The following LMX1B variants were observed in gnomAD, a reference collection of about 807,000 sequenced individuals.
LMX1B encodes LIM homeobox transcription factor 1 beta, also known as LIM homeobox transcription factor 1-beta.
In LMX1B, 12 loss-of-function variants were observed where a neutral mutation model predicts 51.4. The observed-to-expected ratio is 0.23, with a 90% confidence interval of 0.15 to 0.38. The LOEUF (loss-of-function observed/expected upper bound fraction) is 0.38. LMX1B is among the 10% of genes least tolerant of loss of function. LMX1B has a pLI of 1.00. For missense variants in LMX1B, 445 were observed against 571.1 expected (o/e 0.78, Z 2.25); for synonymous variants, 237 against 235.4 (o/e 1.01, Z -0.06).
intron 2 of LMX1B, among the ~76,000 whole-genome samples, chr9:126,682,074 C>A (rs1365629544): frequency 7.9e-6 from 1 of 127,342 alleles, no homozygotes; most frequent in African/African-American, 3.5e-5. Flanking sequence ...GATACTTGGT[C>A]CCCAGGGTCT....
chr9:126,644,768 G>A (rs951988873), intron 2 of LMX1B, among the ~76,000 whole-genome samples: 4 of 152,206 alleles, frequency 2.6e-5, no homozygotes, highest in African/African-American at 7.2e-5. Context: ...CACCTTCGCA[G>A]GGTATGTAGT....
intron 2 of LMX1B, among the ~76,000 whole-genome samples, chr9:126,662,714 G>A (rs113796318): frequency 2.0e-5 from 3 of 152,374 alleles, no homozygotes; most frequent in African/African-American, 7.2e-5. Flanking sequence ...GGGCACAGAG[G>A]GCCCATTGTT....
At chr9:126,687,970 T>C (rs2029971430) in intron 2 of LMX1B, among the ~76,000 whole-genome samples, 1 of 152,146 alleles carries the variant, frequency 6.6e-6, no homozygotes, top group African/African-American at 2.4e-5. Flanking sequence ...CCCAGCACAG[T>C]AGACAAAGGC....
intron 2 of LMX1B, among the ~76,000 whole-genome samples, chr9:126,638,599 T>C (rs914213366): frequency 6.6e-6 from 1 of 152,314 alleles, no homozygotes; most frequent in Non-Finnish European, 1.5e-5. Context: ...TGGCAGTTTT[T>C]AATCATTTTA....
intron 2 of LMX1B, among the ~76,000 whole-genome samples, chr9:126,687,745 C>T (rs78485882): frequency 3.3e-5 from 5 of 152,208 alleles, no homozygotes; most frequent in East Asian, 3.9e-4. Context: ...ATTACTTGCC[C>T]GGTCACCAGC....
chr9:126,651,275 G>A (rs968379126), intron 2 of LMX1B, among the ~76,000 whole-genome samples: 1 of 151,248 alleles, frequency 6.6e-6, no homozygotes, highest in Middle Eastern at 3.4e-3. Context: ...GCTGAGTGGG[G>A]GAGGCACCTG....
rs144043214 is a variant in LMX1B, at chr9:126,690,845, G to A, written c.336G>A (p.Ala112=). ...CTTTGTGCATCCGCAGGCTCTTCGC[G>A]GCCAAGTGCAGCGGCTGCATGGAGA... ...YCKQDYQQLF[A]AKCSGCMEKI... Residue 112 remains alanine (A), a synonymous_variant, in exon 3 of 8, where the codon GCG becomes GCA. Coordinates refer to ENST00000373474, the MANE Select transcript of LMX1B (RefSeq NM_001174147.2). 11 of 1,610,196 alleles carry A rather than the reference G, an allele frequency of 6.8e-6. No homozygotes were observed. The highest frequency in any genetic ancestry group is 1.6e-4 in the Middle Eastern group (1 of 6,082).
rs1202814100 is a variant in LMX1B, at chr9:126,699,922, G to A, written c.*3471G>A. ...AACCTTCATCACTAAGGGGGCTGGAGTGGGAAGAGGGAGATAACTGTGTGG... is the reference window on the plus strand; with the variant it reads ...AACCTTCATCACTAAGGGGGCTGGAATGGGAAGAGGGAGATAACTGTGTGG... On this transcript the variant is annotated 3_prime_UTR_variant, in exon 8 of 8. Transcript: ENST00000373474. The A allele has an allele frequency of 1.3e-5, 2 of 152,322 alleles. No individual in the cohort carries two copies. Among genetic ancestry groups the A allele is most frequent in the Non-Finnish European group, 2.9e-5 (2 of 68,094 alleles). 9.4% of individuals were successfully genotyped at this position (152,322 alleles called of 1,614,324 possible).
chr9:126,621,655 CTT>C (rs71377950), intron 2 of LMX1B, among the ~76,000 whole-genome samples: 67 of 116,850 alleles, frequency 5.7e-4, no homozygotes, highest in African/African-American at 2.6e-3. Context: ...TCTCTCTCTT[CTT>C]TTTTTTTTTT....
At chr9:126,643,401 G>A (rs1023467024) in intron 2 of LMX1B, among the ~76,000 whole-genome samples, 3 of 152,142 alleles carry the variant, frequency 2.0e-5, no homozygotes, top group African/African-American at 7.2e-5. Context: ...TCGGCAGTGT[G>A]ACCCTGGCTC....
intron 2 of LMX1B, among the ~76,000 whole-genome samples, chr9:126,668,909 G>C (rs1836396156): frequency 6.6e-6 from 1 of 152,200 alleles, no homozygotes; most frequent in South Asian, 2.1e-4. Flanking sequence ...CTGGCTCTTT[G>C]TATCCACAGT....
At position 126,646,857 on chromosome 9, in the gene LMX1B, C is replaced by T. The variant is rs556167211; in HGVS notation, c.326+31288C>T. Among the ~76,000 whole-genome samples the T allele has an allele frequency of 4.9e-4, 75 of 152,274 alleles. 1 individual carries two copies. The highest frequency in any genetic ancestry group is 3.4e-3 in the Middle Eastern group (1 of 294). ...GGAATCGCTAAGGTACATTGAACAACCGGCTCCTAACACTGAGGTCACAGT... is the reference window on the plus strand; with the variant it reads ...GGAATCGCTAAGGTACATTGAACAATCGGCTCCTAACACTGAGGTCACAGT... On this transcript the variant is annotated intron_variant, in intron 2 of 7. Transcript: ENST00000373474.
intron 2 of LMX1B, among the ~76,000 whole-genome samples, chr9:126,686,780 T>C (rs574188248): frequency 6.6e-6 from 1 of 152,358 alleles, no homozygotes; most frequent in Admixed American, 6.5e-5. Context: ...ACCTGGCCTC[T>C]GCACCTTTCT....
In LMX1B at chr9:126,693,272, G is replaced by A. The variant is rs749449104; in HGVS notation, c.690G>A (p.Gln230=). The stretch of plus-strand genomic sequence containing the variant: ...CCCGGACCATCCTCACCACGCAGCA[G>A]CGAAGAGCCTTCAAGGCCTCCTTCG... ...KRPRTILTTQ[Q]RRAFKASFEV... is the part of the protein sequence containing the mutation. The change falls in exon 4 of 8, where the codon CAG becomes CAA. Residue 230 remains glutamine (Q), a synonymous_variant. Transcript: ENST00000373474. The A allele has an allele frequency of 1.5e-4, 249 of 1,611,606 alleles. No individual in the cohort carries two copies. Among genetic ancestry groups the A allele is most frequent in the Non-Finnish European group, 1.9e-4 (229 of 1,179,270 alleles).
rs114410337 is a variant in LMX1B at position 126,624,985 on chromosome 9, C to G, written c.326+9416C>G. Among the ~76,000 whole-genome samples, 1,401 of 152,310 alleles carry G rather than the reference C, an allele frequency of 9.2e-3. 23 individuals carry two copies. Among genetic ancestry groups the G allele is most frequent in the African/African-American group, 0.032 (1,316 of 41,558 alleles). ...TCTTCTAATAAGATTATGTCACGAA[C>G]ACAAGTACCTAGGATGGTGCTGAGT... On this transcript the variant is annotated intron_variant, in intron 2 of 7. Transcript: ENST00000373474.
chr9:126,648,877 C>T (rs977406115), intron 2 of LMX1B, among the ~76,000 whole-genome samples: 9 of 152,276 alleles, frequency 5.9e-5, no homozygotes, highest in African/African-American at 2.2e-4. Flanking sequence ...CTCCTCTGCA[C>T]GTGGTCAACT....
At chr9:126,666,249 G>A (rs1287412944) in intron 2 of LMX1B, among the ~76,000 whole-genome samples, 1 of 152,230 alleles carries the variant, frequency 6.6e-6, no homozygotes, top group African/African-American at 2.4e-5. Context: ...TGAAGGAAGT[G>A]CCCATCGAAT....
Position 126,626,285 on chromosome 9 carries a change from A to G in LMX1B, c.326+10716A>G, listed in dbSNP as rs918025504. Among the ~76,000 whole-genome samples the G allele has an allele frequency of 3.9e-5, 6 of 152,240 alleles. No individual in the cohort carries two copies. In the East Asian group the frequency reaches 1.2e-3, roughly 29 times the overall value. ...GCGCAGGGAGGATCGGGCTGAGAGC[A>G]GGGTGTCACCTCGTAAAAGCGACAG... On this transcript the variant is annotated intron_variant, in intron 2 of 7. Coordinates refer to ENST00000373474, the MANE Select transcript of LMX1B (RefSeq NM_001174147.2). The surrounding 1 kb of genome is among the most constrained non-coding windows in gnomAD (Gnocchi z 4.3).
rs1273336301 is a variant in LMX1B at position 126,614,844 on chromosome 9, TGTGGTAG to T, written c.139+261_139+267del. On this transcript the variant is annotated intron_variant, in intron 1 of 7. Transcript: ENST00000373474. ...TTAGGTTCTAGAGCTGCCACTCCGATGTGGTAGGTGGCGGGTGGCAGGGGTGATGGAG... is the reference window on the plus strand; with the variant it reads ...TTAGGTTCTAGAGCTGCCACTCCGATGTGGCGGGTGGCAGGGGTGATGGAG... 2.6e-5 allele frequency among the ~76,000 whole-genome samples: 4 copies of T among 152,170 alleles called. No individual in the cohort carries two copies. The East Asian group carries it at 7.8e-4, about 30-fold the overall frequency.
Sources: gnomAD v4.1 joint callset for allele counts (sites outside exome capture counted in the v4.1 genomes callset) on GRCh38, gnomAD v4.1.1 for gene constraint, Gnocchi (gnomAD v3.1) non-coding constraint, MANE v1.5 for transcripts, NCBI Gene and HGNC (gene_info 2026-07-23, HGNC 2026-07-21) for gene names.